HSD17B2: variants seen among roughly 807,000 people sequenced by gnomAD.
The protein encoded by HSD17B2 is 17-beta-hydroxysteroid dehydrogenase type 2.
HSD17B2 carries 32 observed loss-of-function variants against 26.9 expected under a neutral mutation model. The ratio of observed to expected loss-of-function variants is 1.19; its 90% CI spans 0.90 to 1.60. HSD17B2 has a LOEUF of 1.60. Ranked by LOEUF, HSD17B2 falls within the 40% of genes most tolerant of loss-of-function variation. The pLI is 0.00. For missense variants in HSD17B2, 613 were observed against 468.6 expected (o/e 1.31, Z -2.85); for synonymous variants, 246 against 186.7 (o/e 1.32, Z -2.59).
intron 1 of HSD17B2, among the ~76,000 whole-genome samples, chr16:82,066,537 T>C (rs371297817): frequency 1.3e-5 from 2 of 152,142 alleles, no homozygotes; most frequent in East Asian, 3.9e-4. Context: ...AGAAGAAAAA[T>C]AAGTACTTTT....
chr16:82,075,262 G>A (rs1242757998), intron 3 of HSD17B2, among the ~76,000 whole-genome samples: 2 of 151,974 alleles, frequency 1.3e-5, no homozygotes. Flanking sequence ...AACACTTCAA[G>A]TAAAAAACCT....
chr16:82,076,511 T>C (rs1904303162), intron 3 of HSD17B2, among the ~76,000 whole-genome samples: 1 of 152,240 alleles, frequency 6.6e-6, no homozygotes, highest in Non-Finnish European at 1.5e-5. Context: ...TCAAAAACAA[T>C]TAAAACTGAT....
intron 1 of HSD17B2, among the ~76,000 whole-genome samples, chr16:82,062,567 A>T (rs1306333650): frequency 6.6e-6 from 1 of 152,184 alleles, no homozygotes; most frequent in Admixed American, 6.5e-5. Flanking sequence ...CCTGGCTCCA[A>T]ACTACCTCTG....
intron 1 of HSD17B2, among the ~76,000 whole-genome samples, chr16:82,053,002 C>A (rs775590535): frequency 2.6e-5 from 4 of 152,198 alleles, no homozygotes; most frequent in African/African-American, 4.8e-5. Context: ...GCCACCAGCC[C>A]CTCTTGGGGG....
chr16:82,073,526 G>A (rs1297602279), intron 3 of HSD17B2, among the ~76,000 whole-genome samples: 1 of 152,106 alleles, frequency 6.6e-6, no homozygotes, highest in South Asian at 2.1e-4. Context: ...CCCTCTGGTT[G>A]TGCAAATTCA....
chr16:82,049,387 G>A (rs1348904737), intron 1 of HSD17B2, among the ~76,000 whole-genome samples: 2 of 152,200 alleles, frequency 1.3e-5, no homozygotes, highest in Non-Finnish European at 2.9e-5. Context: ...TAGATGACGG[G>A]TCATGTCATT....
At chr16:82,062,593 A>G (rs1282568808) in intron 1 of HSD17B2, among the ~76,000 whole-genome samples, 1 of 152,208 alleles carries the variant, frequency 6.6e-6, no homozygotes, top group African/African-American at 2.4e-5. Flanking sequence ...TCTTAGCTGA[A>G]TGACTTAATC....
chr16:82,037,951 G>T lies in HSD17B2; in HGVS notation c.265+2262G>T, dbSNP rs578017068. On this transcript the variant is annotated intron_variant, in intron 1 of 4. Transcript: ENST00000199936. ...TAAATGAAAGGAAATAGTTTATAAAGGAAATAGTTGGTTAATGGTTGGATT... is the reference window on the plus strand; with the variant it reads ...TAAATGAAAGGAAATAGTTTATAAATGAAATAGTTGGTTAATGGTTGGATT... Among the ~76,000 whole-genome samples, 32 of 152,302 alleles carry T rather than the reference G, an allele frequency of 2.1e-4. No homozygotes were observed. In the South Asian group the frequency reaches 6.6e-3, roughly 32 times the overall value.
chr16:82,081,553 C>G (rs1162832534), intron 3 of HSD17B2, among the ~76,000 whole-genome samples: 1 of 152,154 alleles, frequency 6.6e-6, no homozygotes, highest in South Asian at 2.1e-4. Flanking sequence ...CTAAGCTCCA[C>G]TTTTGTCCCT....
chr16:82,045,368 CAT>C (rs201520410), intron 1 of HSD17B2, among the ~76,000 whole-genome samples: 2,150 of 152,256 alleles, frequency 0.014, 57 homozygotes, highest in African/African-American at 0.05. Context: ...GTTCTGCACT[CAT>C]GAGAAAGCTG....
At chr16:82,097,349 G>A (rs927199266) in intron 4 of HSD17B2, 1 of 57,064 alleles carries the variant, frequency 1.8e-5, no homozygotes, top group Admixed American at 2.3e-4. Context: ...TTATATATGT[G>A]TACACACACA....
At position 82,098,514 on chromosome 16, in the gene HSD17B2, A is replaced by G; in HGVS notation, c.*78A>G. 6.9e-7 allele frequency: 1 copy of G among 1,457,586 alleles called. No homozygotes were observed. The highest frequency in any genetic ancestry group is 9.2e-7 in the Non-Finnish European group (1 of 1,089,402). 90.3% of individuals were successfully genotyped at this position (1,457,586 alleles called of 1,614,324 possible). A position where few individuals can be genotyped will look rare whatever the true frequency, so the allele number is the denominator to read the frequency against. ...AAACTGGGAAACTGGGTTTCTCATT[A>G]AAGTTGTTTCCCACTCTGTATTCTC... On this transcript the variant is annotated 3_prime_UTR_variant, in exon 5 of 5. Coordinates refer to ENST00000199936, the MANE Select transcript of HSD17B2 (RefSeq NM_002153.3).
intron 3 of HSD17B2, among the ~76,000 whole-genome samples, chr16:82,086,001 A>G (rs1904518055): frequency 1.3e-5 from 2 of 152,166 alleles, no homozygotes; most frequent in Non-Finnish European, 2.9e-5. Context: ...ATGTGGAGAA[A>G]TTGGAACCCT....
At chr16:82,091,945 G>A (rs1017243) in intron 4 of HSD17B2, 50,544 of 152,002 alleles carry the variant, frequency 0.33, 9,039 homozygotes, top group Admixed American at 0.45. Context: ...GGACCTTTCT[G>A]GGACACACAC....
chr16:82,091,473 G>A (rs1225689673), intron 4 of HSD17B2: 1 of 202,820 alleles, frequency 4.9e-6, no homozygotes. Flanking sequence ...AGATCCTGGA[G>A]AGAAATGCTT....
chr16:82,057,149 A>C (rs139640559), intron 1 of HSD17B2, among the ~76,000 whole-genome samples: 3 of 152,136 alleles, frequency 2.0e-5, no homozygotes, highest in African/African-American at 7.2e-5. Context: ...TAATGTATAG[A>C]GCTATTCCAC....
intron 2 of HSD17B2, among the ~76,000 whole-genome samples, 181 bp downstream of exon 2, chr16:82,068,563 C>G (rs1344344059): frequency 6.6e-6 from 1 of 152,154 alleles, no homozygotes; most frequent in Admixed American, 6.5e-5. Context: ...CGGAGTAACT[C>G]AGACATGGGC....
chr16:82,042,685 G>T (rs371336274), intron 1 of HSD17B2, among the ~76,000 whole-genome samples: 5 of 151,876 alleles, frequency 3.3e-5, no homozygotes, highest in African/African-American at 1.2e-4. Context: ...GCAATGGCAC[G>T]ATCTCGGCTC....
chr16:82,037,925 G>A (rs1043563678), intron 1 of HSD17B2, among the ~76,000 whole-genome samples: 2 of 152,194 alleles, frequency 1.3e-5, no homozygotes, highest in African/African-American at 4.8e-5. Flanking sequence ...GAAATAGTTT[G>A]TAAATGAAAG....
Sources: allele counts gnomAD v4.1 joint callset (sites outside exome capture counted in the v4.1 genomes callset), GRCh38; gene constraint gnomAD v4.1.1; transcripts MANE v1.5; gene names NCBI Gene and HGNC (gene_info 2026-07-23, HGNC 2026-07-21).